TMTC3: variants seen among roughly 807,000 people sequenced by gnomAD.
The protein encoded by TMTC3 is protein O-mannosyl-transferase TMTC3.
In TMTC3, 52 loss-of-function variants were observed where a neutral mutation model predicts 92.2. That is an observed-to-expected ratio of 0.56 (90% CI 0.45 to 0.71). The LOEUF is 0.71. Among genes scored for constraint, TMTC3 ranks in the 30% least tolerant of loss-of-function variants. The pLI is 0.00. For missense variants in TMTC3, 896 were observed against 1,057.1 expected, an observed-to-expected ratio of 0.85 and a Z score of 2.11; for synonymous variants, 339 against 363.3, an observed-to-expected ratio of 0.93 and a Z score of 0.76.
chr12:88,146,226 TTC>T (rs1293054245), intron 1 of TMTC3, among the ~76,000 whole-genome samples: 2 of 152,274 alleles, frequency 1.3e-5, no homozygotes, highest in East Asian at 1.9e-4. Context: ...CTCTCTCCCT[TTC>T]TCTCATACTA....
At chr12:88,144,844 A>G (rs2138349800) in intron 1 of TMTC3, among the ~76,000 whole-genome samples, 1 of 152,278 alleles carries the variant, frequency 6.6e-6, no homozygotes. Flanking sequence ...TAGTTCAATA[A>G]CTCACTGTAT....
intron 5 of TMTC3, 130 bp downstream of exon 5, chr12:88,160,359 G>T: frequency 1.7e-6 from 1 of 586,954 alleles, no homozygotes; most frequent in East Asian, 3.3e-5. Context: ...AATAATACCA[G>T]AAATCATGTT....
chr12:88,190,775 TGACA>T (rs1463496037), intron 12 of TMTC3, among the ~76,000 whole-genome samples, 153 bp downstream of exon 12: 1 of 152,190 alleles, frequency 6.6e-6, no homozygotes, highest in South Asian at 2.1e-4. Flanking sequence ...CTTTTTAGAC[TGACA>T]GTCAGATTTT....
intron 7 of TMTC3, among the ~76,000 whole-genome samples, chr12:88,171,003 G>A (rs2041199220): frequency 6.6e-6 from 1 of 152,004 alleles, no homozygotes; most frequent in Non-Finnish European, 1.5e-5. Flanking sequence ...TTTAAAGGGG[G>A]GCAGTTTTAT....
chr12:88,164,999 C>T (rs1169558092), intron 6 of TMTC3, among the ~76,000 whole-genome samples: 2 of 151,954 alleles, frequency 1.3e-5, no homozygotes, highest in African/African-American at 2.4e-5. Flanking sequence ...CTTCGGATTT[C>T]CTTCTTAGTT....
At chr12:88,173,106 T>C in intron 8 of TMTC3, 2 of 1,243,140 alleles carry the variant, frequency 1.6e-6, no homozygotes, top group Non-Finnish European at 2.1e-6. Context: ...CATATTGAGT[T>C]AATATATATA....
In TMTC3 at chr12:88,177,395, T is replaced by C. The variant is rs147972433; in HGVS notation, c.1432+1076T>C. Among the ~76,000 whole-genome samples, 43 of 152,278 alleles carry C rather than the reference T, an allele frequency of 2.8e-4. No individual in the cohort carries two copies. In the East Asian group the frequency reaches 8.1e-3, roughly 29 times the overall value. On this transcript the variant is annotated intron_variant, in intron 10 of 13. Transcript: ENST00000266712. ...AGCTATAATAGTGATGGCATAGACA[T>C]GGAAAATTCTGTTAAATAGGATTAA...
At chr12:88,163,065 G>A (rs916160044) in intron 6 of TMTC3, among the ~76,000 whole-genome samples, 2 of 151,836 alleles carry the variant, frequency 1.3e-5, no homozygotes, top group Admixed American at 6.6e-5. Flanking sequence ...ACAGGCATGC[G>A]CCACCACGCC....
chr12:88,192,934 A>T (rs2041461102), intron 13 of TMTC3, 104 bp downstream of exon 13: 2 of 885,542 alleles, frequency 2.3e-6, no homozygotes, highest in African/African-American at 3.4e-5. Flanking sequence ...ATGTATTGAC[A>T]GTTTATAGCA....
intron 7 of TMTC3, among the ~76,000 whole-genome samples, chr12:88,170,029 A>T (rs1251179196): frequency 1.3e-5 from 2 of 152,062 alleles, no homozygotes; most frequent in African/African-American, 2.4e-5. Flanking sequence ...AGTAAAGCAG[A>T]TTTGTCTCGA....
At chr12:88,161,028 T>TATAC (rs1489520949) in intron 6 of TMTC3, among the ~76,000 whole-genome samples, 177 bp downstream of exon 6, 3 of 152,130 alleles carry the variant, frequency 2.0e-5, no homozygotes, top group African/African-American at 7.2e-5. Context: ...TTGACATATG[T>TATAC]ATACACCCTT....
intron 10 of TMTC3, among the ~76,000 whole-genome samples, chr12:88,180,987 C>CCT (rs1256175647): frequency 6.6e-6 from 1 of 152,126 alleles, no homozygotes; most frequent in African/African-American, 2.4e-5. Context: ...CATATTCCCC[C>CCT]TTTTTAGTTT....
rs1257061383 is a variant in TMTC3, at chr12:88,198,371, G to C, written c.*2722G>C. The C allele has an allele frequency of 2.5e-6, 1 of 397,940 alleles. No homozygotes were observed. Among genetic ancestry groups the C allele is most frequent in the Non-Finnish European group, 4.4e-6 (1 of 225,682 alleles). 24.7% of individuals were successfully genotyped at this position (397,940 alleles called of 1,614,324 possible). A position where few individuals can be genotyped will look rare whatever the true frequency, so the allele number is the denominator to read the frequency against. On this transcript the variant is annotated 3_prime_UTR_variant, in exon 14 of 14. Transcript: ENST00000266712. The stretch of plus-strand genomic sequence containing the variant: ...TGAATGGATAGTTTTAATTCTCACT[G>C]TCTCAAAAGAGAATCAGCTCTCCAG...
rs1227242317 is a variant in TMTC3, at chr12:88,166,404, C to T, written c.872C>T (p.Ala291Val). 1 of 1,613,918 alleles carries T rather than the reference C, an allele frequency of 6.2e-7. No homozygotes were observed. Among genetic ancestry groups the T allele is most frequent in the Non-Finnish European group, 8.5e-7 (1 of 1,179,912 alleles). ...LTFNYLLPVNAWLLLNPSELC... is the reference protein window; with the variant it reads ...LTFNYLLPVNVWLLLNPSELC... ...TTTAACTACCTCCTTCCTGTGAATGCTTGGTTGTTATTAAATCCTTCAGAG... is the reference window on the plus strand; with the variant it reads ...TTTAACTACCTCCTTCCTGTGAATGTTTGGTTGTTATTAAATCCTTCAGAG... The change falls in exon 7 of 14, where the codon GCT becomes GTT. Residue 291 changes from alanine to valine, a missense_variant. Coordinates refer to ENST00000266712, the MANE Select transcript of TMTC3 (RefSeq NM_181783.4).
intron 2 of TMTC3, 147 bp from the exon 3 acceptor site, chr12:88,153,144 G>A (rs1345432001): frequency 1.8e-6 from 1 of 566,712 alleles, no homozygotes; most frequent in South Asian, 2.8e-5. Context: ...TTTTATTTTT[G>A]TGTTACTCTT....
At chr12:88,146,343 G>A (rs1193253956) in intron 1 of TMTC3, among the ~76,000 whole-genome samples, 7 of 152,072 alleles carry the variant, frequency 4.6e-5, no homozygotes, top group South Asian at 2.1e-4. Context: ...TTTAAAATAC[G>A]CACTAAATAG....
At chr12:88,175,957 C>T (rs2041254665) in intron 9 of TMTC3, among the ~76,000 whole-genome samples, 1 of 152,122 alleles carries the variant, frequency 6.6e-6, no homozygotes, top group Non-Finnish European at 1.5e-5. Flanking sequence ...GTGCTTTCAT[C>T]AAATAACATT....
intron 13 of TMTC3, among the ~76,000 whole-genome samples, chr12:88,193,228 A>G (rs542002169): frequency 1.2e-4 from 18 of 152,228 alleles, no homozygotes; most frequent in South Asian, 6.2e-4. Context: ...TCAAAAAAAT[A>G]GCATTTTATT....
At chr12:88,161,542 A>G (rs1173527710) in intron 6 of TMTC3, among the ~76,000 whole-genome samples, 2 of 152,034 alleles carry the variant, frequency 1.3e-5, no homozygotes, top group Non-Finnish European at 2.9e-5. Context: ...TCATTGATTT[A>G]TATTTAATTT....
Sources: allele counts gnomAD v4.1 joint callset (sites outside exome capture counted in the v4.1 genomes callset), GRCh38; gene constraint gnomAD v4.1.1; transcripts MANE v1.5; gene names NCBI Gene and HGNC (gene_info 2026-07-23, HGNC 2026-07-21).